The following RSRP1 variants were observed in gnomAD, a reference collection of about 807,000 sequenced individuals.
RSRP1 encodes the protein arginine and serine rich protein 1, also known as arginine/serine-rich protein 1.
In RSRP1, 37 loss-of-function variants were observed where a neutral mutation model predicts 33.0. The observed-to-expected ratio is 1.12, with a 90% CI of 0.86 to 1.48. The LOEUF is 1.48. RSRP1 is among the 40% of genes most tolerant of loss of function. RSRP1 has a pLI of 0.00. For missense variants in RSRP1, 402 were observed against 385.3 expected, an observed-to-expected ratio of 1.04 and a Z score of -0.36; for synonymous variants, 167 against 158.7, an observed-to-expected ratio of 1.05 and a Z score of -0.40.
At chr1:25,283,324 A>C (rs2124617068) in intron 1 of RSRP1, among the ~76,000 whole-genome samples, 1 of 131,944 alleles carries the variant, frequency 7.6e-6, no homozygotes, top group South Asian at 2.3e-4. Flanking sequence ...TGAGGTCAGG[A>C]GTTCGAGACC....
chr1:25,247,433 C>T lies in RSRP1; in HGVS notation c.-191G>A, dbSNP rs567356973. On this transcript the variant is annotated 5_prime_UTR_variant, in exon 1 of 5. Coordinates refer to ENST00000243189, the MANE Select transcript of RSRP1 (RefSeq NM_020317.5). ...GAACGGCGAATTCCACAACCTCCAC[C>T]TCCTACGTCCGGATGCGCACTGAGG... 106 of 158,884 alleles carry T rather than the reference C, an allele frequency of 6.7e-4. No individual in the cohort carries two copies. The highest frequency in any genetic ancestry group is 2.3e-3 in the African/African-American group (98 of 41,768). 9.8% of individuals were successfully genotyped at this position (158,884 alleles called of 1,614,324 possible).
chr1:25,316,667 G>A (rs1644458722), intron 1 of RSRP1, among the ~76,000 whole-genome samples: 1 of 126,056 alleles, frequency 7.9e-6, no homozygotes, highest in Non-Finnish European at 1.9e-5. Context: ...GGCTCTGAGA[G>A]GTTGAGGGAC....
chr1:25,305,044 G>T (rs1292401573), intron 1 of RSRP1, among the ~76,000 whole-genome samples: 2 of 132,538 alleles, frequency 1.5e-5, no homozygotes, highest in Non-Finnish European at 3.6e-5. Flanking sequence ...TTTAGTGAGC[G>T]AAATGGATAC....
At position 25,246,790 on chromosome 1, in the gene RSRP1, C is replaced by A; in HGVS notation, c.174G>T (p.Arg58=). Residue 58 remains arginine (R), a synonymous_variant, in exon 2 of 5, where the codon CGG becomes CGT. Coordinates refer to ENST00000243189, the MANE Select transcript of RSRP1 (RefSeq NM_020317.5). The part of the protein sequence containing the change: ...RVSSRFSSRS[R]RSKSRSRSRR... ...GGGAACGGGACCTGGACTTGCTCCTCCGACTCCTGGACGAAAACCGGCTCG... is the reference window on the plus strand; with the variant it reads ...GGGAACGGGACCTGGACTTGCTCCTACGACTCCTGGACGAAAACCGGCTCG... 6.2e-7 allele frequency: 1 copy of A among 1,613,482 alleles called. No homozygotes were observed. The highest frequency in any genetic ancestry group is 8.5e-7 in the Non-Finnish European group (1 of 1,179,668).
chr1:25,286,249 G>A lies in RSRP1; in HGVS notation c.-66-39220C>T, dbSNP rs1448141239. On this transcript the variant is annotated intron_variant, in intron 1 of 1. Transcript: ENST00000561867. ...CACACCTGTAATCCCAGTACTTTTGGGAACCGAGGTGGGCAGATCACTTGA... is the reference window on the plus strand; with the variant it reads ...CACACCTGTAATCCCAGTACTTTTGAGAACCGAGGTGGGCAGATCACTTGA... Among the ~76,000 whole-genome samples the A allele has an allele frequency of 3.0e-5, 4 of 135,308 alleles. No homozygotes were observed. The East Asian group carries it at 7.7e-4, about 26-fold the overall frequency. 88.8% of individuals were successfully genotyped at this position (135,308 alleles called of 152,430 possible).
chr1:25,276,548 A>C (rs1361440616), intron 1 of RSRP1, among the ~76,000 whole-genome samples: 1 of 125,192 alleles, frequency 8.0e-6, no homozygotes, highest in African/African-American at 2.8e-5. Context: ...AAAAAAAAAA[A>C]AAAAAAACTT....
At chr1:25,244,411 C>T in intron 3 of RSRP1, 2 of 1,289,382 alleles carry the variant, frequency 1.6e-6, no homozygotes. Flanking sequence ...TGAACATAAA[C>T]TTCAAATTAA....
chr1:25,296,184 T>A (rs1642940486), intron 1 of RSRP1, among the ~76,000 whole-genome samples: 1 of 122,726 alleles, frequency 8.1e-6, no homozygotes, highest in East Asian at 2.0e-4. Context: ...ATTTATTAAT[T>A]TTTGGTTGTC....
At chr1:25,245,325 T>G (rs753838694) in intron 2 of RSRP1, 24 bp from the exon 3 acceptor site, 2 of 1,590,918 alleles carry the variant, frequency 1.3e-6, no homozygotes, top group South Asian at 2.2e-5. Context: ...AGAGAGATTT[T>G]AAAATACTCA....
At chr1:25,252,920 C>T (rs769749301) in intron 1 of RSRP1, among the ~76,000 whole-genome samples, 2 of 152,150 alleles carry the variant, frequency 1.3e-5, no homozygotes, top group Non-Finnish European at 2.9e-5. Flanking sequence ...GAAAGGTCAG[C>T]CTATTTTCAA....
upstream of RSRP1, among the ~76,000 whole-genome samples, chr1:25,249,827 A>G (rs539459888): frequency 6.6e-6 from 1 of 152,328 alleles, no homozygotes; most frequent in Non-Finnish European, 1.5e-5. Context: ...CTAATGAAAA[A>G]AATTCAACTT....
intron 1 of RSRP1, among the ~76,000 whole-genome samples, chr1:25,297,476 A>G (rs1830962): frequency 0.64 from 70,511 of 110,070 alleles, 27,510 homozygotes; most frequent in South Asian, 0.85. Flanking sequence ...CCTGTTGATC[A>G]TCCAACTTTC....
chr1:25,263,569 G>T (rs1640227068), intron 1 of RSRP1, among the ~76,000 whole-genome samples: 1 of 151,938 alleles, frequency 6.6e-6, no homozygotes, highest in African/African-American at 2.4e-5. Flanking sequence ...CTGTCCCCAT[G>T]ATTCAGTTAC....
intron 1 of RSRP1, among the ~76,000 whole-genome samples, chr1:25,300,589 C>T (rs1643310280): frequency 7.7e-6 from 1 of 130,160 alleles, no homozygotes; most frequent in African/African-American, 2.6e-5. Flanking sequence ...GCGGGTGGAT[C>T]GCCTGAGGTC....
chr1:25,262,363 T>C lies in RSRP1; in HGVS notation c.-66-15334A>G, dbSNP rs201326557. 9.9e-5 allele frequency among the ~76,000 whole-genome samples: 15 copies of C among 152,276 alleles called. No individual in the cohort carries two copies. In the East Asian group the frequency reaches 2.7e-3, roughly 27 times the overall value. ...CAAATGGATAAAGTCCCTGTCCTCA[T>C]GAAACTTGTATTCTAATGGAAGAAA... On this transcript the variant is annotated intron_variant, in intron 1 of 1. Coordinates refer to the RSRP1 transcript ENST00000561867.
rs368588012 is a variant in RSRP1, at chr1:25,314,772, A to G, written c.-67+23206T>C. ...GCCCACCTTGGCCTCCCAAAGTGCC[A>G]GGATTACAGGTGTGAGCCACCATGC... On this transcript the variant is annotated intron_variant, in intron 1 of 1. Transcript: ENST00000561867. Among the ~76,000 whole-genome samples the G allele has an allele frequency of 1.6e-4, 21 of 131,868 alleles. 1 individual carries two copies. The East Asian group carries it at 3.9e-3, about 25-fold the overall frequency. The allele number at this position is 131,868 out of a possible 152,430, so 86.5% of individuals were successfully genotyped here. A position where few individuals can be genotyped will look rare whatever the true frequency, so the allele number is the denominator to read the frequency against.
chr1:25,334,375 C>A (rs1645052886), intron 1 of RSRP1, among the ~76,000 whole-genome samples: 1 of 132,444 alleles, frequency 7.6e-6, no homozygotes, highest in Non-Finnish European at 1.8e-5. Flanking sequence ...TGGTCTTGGG[C>A]AGCTCTGCCC....
chr1:25,282,466 T>C lies in RSRP1; in HGVS notation c.-66-35437A>G, dbSNP rs642150. Among the ~76,000 whole-genome samples, 1,231 of 131,630 alleles carry C rather than the reference T, an allele frequency of 9.4e-3. 195 individuals are homozygous for C. The highest frequency in any genetic ancestry group is 0.028 in the African/African-American group (1,080 of 38,616). 86.4% of individuals were successfully genotyped at this position (131,630 alleles called of 152,430 possible). Reference sequence around the variant, plus strand: ...GCCAGGCTAGTCTCGAACTGCTGACTTCATGATCTGCCCACCTCATCCTCC... The same window carrying C: ...GCCAGGCTAGTCTCGAACTGCTGACCTCATGATCTGCCCACCTCATCCTCC... On this transcript the variant is annotated intron_variant, in intron 1 of 1. Transcript: ENST00000561867.
chr1:25,278,576 G>T (rs371491457), intron 1 of RSRP1, among the ~76,000 whole-genome samples: 1 of 131,336 alleles, frequency 7.6e-6, no homozygotes, highest in Admixed American at 7.4e-5. Flanking sequence ...GTGTTTGGCA[G>T]TTGGTGATTC....
Sources: allele counts gnomAD v4.1 joint callset (sites outside exome capture counted in the v4.1 genomes callset), GRCh38; gene constraint gnomAD v4.1.1; transcripts MANE v1.5; gene names NCBI Gene and HGNC (gene_info 2026-07-23, HGNC 2026-07-21).